The following GREB1L variants were observed in gnomAD, a reference collection of about 807,000 sequenced individuals.
GREB1L encodes GREB1 like retinoic acid receptor coactivator, also known as GREB1-like protein.
A neutral mutation model predicts 200.8 loss-of-function variants in GREB1L; 17 were observed. The ratio of observed to expected loss-of-function variants is 0.08; its 90% confidence interval spans 0.06 to 0.13. The LOEUF (loss-of-function observed/expected upper bound fraction) is 0.13, where lower values mean the gene tolerates loss of function less well. Among genes scored for constraint, GREB1L ranks in the 10% least tolerant of loss-of-function variants. The probability of loss-of-function intolerance (pLI) is 1.00; values close to 1 mark genes in which losing one functional copy is unlikely to be tolerated. For missense variants in GREB1L, 1,657 were observed against 2,367.7 expected (o/e 0.70, Z 6.23); for synonymous variants, 789 against 893.0 (o/e 0.88, Z 2.08).
At chr18:21,259,820 A>G (rs539129607) in intron 1 of GREB1L, among the ~76,000 whole-genome samples, 1 of 152,114 alleles carries the variant, frequency 6.6e-6, no homozygotes, top group East Asian at 1.9e-4. Context: ...GTGACACTTC[A>G]TGGATATTAA....
chr18:21,289,276 G>A (rs947433928), intron 1 of GREB1L, among the ~76,000 whole-genome samples: 12 of 152,160 alleles, frequency 7.9e-5, no homozygotes, highest in East Asian at 3.9e-4. Context: ...TAGGCCAGGT[G>A]TGGTAGCTCA....
chr18:21,503,768 G>A (rs2036900375), intron 23 of GREB1L, among the ~76,000 whole-genome samples: 1 of 150,728 alleles, frequency 6.6e-6, no homozygotes, highest in Non-Finnish European at 1.5e-5. Context: ...AGTAAAGACA[G>A]GGTTTCACCA....
In GREB1L at chr18:21,349,298, A is replaced by G. The variant is rs528150190; in HGVS notation, c.-119-16729A>G. ...TATATTCAAATCCCTAATTTAGTGTATAAGTCTCCTTACAGAGACTGGCCC... is the reference window on the plus strand; with the variant it reads ...TATATTCAAATCCCTAATTTAGTGTGTAAGTCTCCTTACAGAGACTGGCCC... On this transcript the variant is annotated intron_variant, in intron 1 of 32. Transcript: ENST00000424526. 5.6e-4 allele frequency among the ~76,000 whole-genome samples: 85 copies of G among 152,162 alleles called. 1 individual carries two copies. Among genetic ancestry groups the G allele is most frequent in the Middle Eastern group, 6.8e-3 (2 of 294 alleles).
At chr18:21,269,815 C>G (rs1414285100) in intron 1 of GREB1L, among the ~76,000 whole-genome samples, 4 of 151,992 alleles carry the variant, frequency 2.6e-5, no homozygotes, top group Admixed American at 2.6e-4. Flanking sequence ...ACATGTTTAT[C>G]AATTAATTAG....
chr18:21,353,389 C>G (rs1472471916), intron 1 of GREB1L, among the ~76,000 whole-genome samples: 2 of 152,030 alleles, frequency 1.3e-5, no homozygotes, highest in African/African-American at 4.8e-5. Flanking sequence ...CTAGAATATG[C>G]TTAACCATTT....
At chr18:21,297,345 T>C (rs2038546463) in intron 1 of GREB1L, among the ~76,000 whole-genome samples, 1 of 152,178 alleles carries the variant, frequency 6.6e-6, no homozygotes, top group Non-Finnish European at 1.5e-5. Flanking sequence ...TAGGAATGCT[T>C]GTACTTCTTG....
chr18:21,341,430 C>G (rs1248304546), intron 1 of GREB1L, among the ~76,000 whole-genome samples: 1 of 152,182 alleles, frequency 6.6e-6, no homozygotes, highest in Non-Finnish European at 1.5e-5. Flanking sequence ...TGTCCTCTGT[C>G]AAACAAATGT....
intron 5 of GREB1L, among the ~76,000 whole-genome samples, 182 bp from the exon 6 acceptor site, chr18:21,400,968 T>C (rs1477928085): frequency 6.6e-6 from 1 of 152,230 alleles, no homozygotes; most frequent in Non-Finnish European, 1.5e-5. Context: ...TTTCCAGTCT[T>C]TCACTGTTAT....
At chr18:21,393,182 A>G (rs1045814032) in intron 4 of GREB1L, among the ~76,000 whole-genome samples, 1 of 152,184 alleles carries the variant, frequency 6.6e-6, no homozygotes, top group Non-Finnish European at 1.5e-5. Flanking sequence ...TGATGCTAGG[A>G]GAATCTAGCA....
At chr18:21,246,460 A>G (rs1197342151) in intron 1 of GREB1L, among the ~76,000 whole-genome samples, 6 of 152,186 alleles carry the variant, frequency 3.9e-5, no homozygotes, top group Admixed American at 2.0e-4. Context: ...TAATCAGTGT[A>G]ACATTTTATA....
chr18:21,407,566 C>T lies in GREB1L; in HGVS notation c.832+3572C>T, dbSNP rs529615295. Among the ~76,000 whole-genome samples, 677 of 152,134 alleles carry T rather than the reference C, an allele frequency of 4.5e-3. 1 individual carries two copies. The highest frequency in any genetic ancestry group is 6.8e-3 in the Middle Eastern group (2 of 294). ...TCAGTGAATTGCATTGGTCAAATGACTCTAAATATAAGGATTTGTTTCTGG... is the reference window on the plus strand; with the variant it reads ...TCAGTGAATTGCATTGGTCAAATGATTCTAAATATAAGGATTTGTTTCTGG... On this transcript the variant is annotated intron_variant, in intron 7 of 32. Coordinates refer to ENST00000424526, the MANE Select transcript of GREB1L (RefSeq NM_001142966.3).
At chr18:21,423,906 A>G (rs1246410310) in intron 7 of GREB1L, among the ~76,000 whole-genome samples, 2 of 152,064 alleles carry the variant, frequency 1.3e-5, no homozygotes, top group Non-Finnish European at 2.9e-5. Context: ...TTATTCTTAC[A>G]TCCCTTATTA....
intron 14 of GREB1L, chr18:21,452,429 G>T (rs1176554824): frequency 2.0e-6 from 1 of 501,978 alleles, no homozygotes; most frequent in Non-Finnish European, 3.4e-6. Flanking sequence ...CTTCTGGAAT[G>T]AAAATCAAAG....
At chr18:21,460,285 C>T (rs1568029955) in intron 15 of GREB1L, among the ~76,000 whole-genome samples, 1 of 152,160 alleles carries the variant, frequency 6.6e-6, no homozygotes, top group East Asian at 1.9e-4. Flanking sequence ...AGCAATTCTT[C>T]TACCTCAGCC....
rs535371003 is a variant in GREB1L at position 21,513,344 on chromosome 18, A to G, written c.4736-477A>G. Among the ~76,000 whole-genome samples the G allele has an allele frequency of 5.3e-5, 8 of 152,332 alleles. No homozygotes were observed. The East Asian group carries it at 7.7e-4, about 15-fold the overall frequency. On this transcript the variant is annotated intron_variant, in intron 27 of 32. Coordinates refer to ENST00000424526, the MANE Select transcript of GREB1L (RefSeq NM_001142966.3). ...CCTTGAAGTATCTAAAGCAGGGGAC[A>G]TATCAGTGGAATTGGCATACCCACT... is the stretch of plus-strand genomic sequence containing the variant.
intron 1 of GREB1L, among the ~76,000 whole-genome samples, chr18:21,299,235 G>A (rs1268299490): frequency 6.7e-6 from 1 of 148,814 alleles, no homozygotes; most frequent in Non-Finnish European, 1.5e-5. Context: ...CCTAGATTGT[G>A]CCTACTGCAC....
intron 16 of GREB1L, among the ~76,000 whole-genome samples, chr18:21,476,115 G>C (rs1310720800): frequency 6.6e-6 from 1 of 151,640 alleles, no homozygotes; most frequent in Non-Finnish European, 1.5e-5. Flanking sequence ...GTGGCAAATA[G>C]TCATCGTGTA....
intron 7 of GREB1L, among the ~76,000 whole-genome samples, chr18:21,405,719 T>C (rs2144603691): frequency 6.6e-6 from 1 of 152,294 alleles, no homozygotes; most frequent in South Asian, 2.1e-4. Flanking sequence ...GAGAATTGCT[T>C]GTACCCACGA....
intron 5 of GREB1L, among the ~76,000 whole-genome samples, chr18:21,399,954 ATTAT>A (rs1359025184): frequency 6.6e-6 from 1 of 152,090 alleles, no homozygotes; most frequent in African/African-American, 2.4e-5. Flanking sequence ...ATCTTTGTTA[ATTAT>A]TAATATATAT....
Sources: gnomAD v4.1 joint callset for allele counts (sites outside exome capture counted in the v4.1 genomes callset) on GRCh38, gnomAD v4.1.1 for gene constraint, MANE v1.5 for transcripts, NCBI Gene and HGNC (gene_info 2026-07-23, HGNC 2026-07-21) for gene names.